AMPH: variants seen among roughly 807,000 people sequenced by gnomAD.
AMPH encodes the protein amphiphysin, also known as amphiphysin (Stiff-Mann syndrome with breast cancer 128kD autoantigen).
A neutral mutation model predicts 99.1 loss-of-function variants in AMPH; 49 were observed. The ratio of observed to expected loss-of-function variants is 0.49; its 90% confidence interval spans 0.39 to 0.63. AMPH has a LOEUF of 0.63. Among genes scored for constraint, AMPH ranks in the 20% least tolerant of loss-of-function variants. AMPH has a pLI of 0.00. For missense variants in AMPH, 759 were observed against 863.4 expected, an observed-to-expected ratio of 0.88 and a Z score of 1.52; for synonymous variants, 314 against 317.3, an observed-to-expected ratio of 0.99 and a Z score of 0.11.
At chr7:38,494,119 G>C (rs936121507) in intron 4 of AMPH, among the ~76,000 whole-genome samples, 1 of 152,038 alleles carries the variant, frequency 6.6e-6, no homozygotes, top group Non-Finnish European at 1.5e-5. Flanking sequence ...ACCATGCCCG[G>C]CTAATTTTTT....
intron 2 of AMPH, among the ~76,000 whole-genome samples, chr7:38,510,215 C>T (rs1027586780): frequency 2.6e-5 from 4 of 152,160 alleles, no homozygotes; most frequent in African/African-American, 4.8e-5. Context: ...CACCTTCTTG[C>T]TGTGTCCTCG....
At chr7:38,593,621 C>T (rs1792938743) in intron 1 of AMPH, among the ~76,000 whole-genome samples, 1 of 152,192 alleles carries the variant, frequency 6.6e-6, no homozygotes, top group South Asian at 2.1e-4. Flanking sequence ...AAGAAGAATG[C>T]CACATTCGGT....
chr7:38,476,987 A>G lies in AMPH; in HGVS notation c.397-18T>C. On this transcript the variant is annotated intron_variant, in intron 5 of 20. Transcript: ENST00000356264. ...ATGCGATTCTGTCAACAGGAAATGCACTCACTAAGAAAGAAGCATGGACAT... is the reference window on the plus strand; with the variant it reads ...ATGCGATTCTGTCAACAGGAAATGCGCTCACTAAGAAAGAAGCATGGACAT... 6.2e-7 allele frequency: 1 copy of G among 1,608,556 alleles called. No homozygotes were observed. The highest frequency in any genetic ancestry group is 1.7e-5 in the Admixed American group (1 of 59,960).
chr7:38,495,870 T>C (rs902826936), intron 3 of AMPH, among the ~76,000 whole-genome samples: 1 of 152,166 alleles, frequency 6.6e-6, no homozygotes, highest in Non-Finnish European at 1.5e-5. Flanking sequence ...CCAGTCCTTT[T>C]AGTCTCTCCC....
In AMPH at chr7:38,443,331, T is replaced by C. The variant is rs151084251; in HGVS notation, c.1018-6943A>G. Among the ~76,000 whole-genome samples the C allele has an allele frequency of 3.7e-4, 56 of 152,204 alleles. No individual in the cohort carries two copies. The East Asian group carries it at 0.01, about 27-fold the overall frequency. ...ATACCAACACAAACTTAACCAGCAA[T>C]TGATTTTCAGTTCAATTCATTCAAT... On this transcript the variant is annotated intron_variant, in intron 11 of 20. Transcript: ENST00000356264.
chr7:38,487,304 T>C (rs548563696), intron 5 of AMPH, among the ~76,000 whole-genome samples: 1 of 152,142 alleles, frequency 6.6e-6, no homozygotes, highest in African/African-American at 2.4e-5. Context: ...AAAACAGCAT[T>C]GTACCGGTAC....
At position 38,571,496 on chromosome 7, in the gene AMPH, AATATATTCTATAAAAT is replaced by A. The variant is rs1277499857; in HGVS notation, c.70-36501_70-36486del. Among the ~76,000 whole-genome samples the A allele has an allele frequency of 2.1e-4, 29 of 134,986 alleles. 1 individual carries two copies. The Middle Eastern group carries it at 0.013, about 62-fold the overall frequency. The allele number at this position is 134,986 out of a possible 152,430, so 88.6% of individuals were successfully genotyped here. ...TTCTATAAAATATATATTCTATATAAATATATTCTATAAAATATATATTCTATAAAATATATATATT... is the reference window on the plus strand; with the variant it reads ...TTCTATAAAATATATATTCTATATAAATATATTCTATAAAATATATATATT... On this transcript the variant is annotated intron_variant, in intron 1 of 20. Coordinates refer to ENST00000356264, the MANE Select transcript of AMPH (RefSeq NM_001635.4).
At chr7:38,538,653 G>T (rs1790699675) in intron 1 of AMPH, among the ~76,000 whole-genome samples, 1 of 152,164 alleles carries the variant, frequency 6.6e-6, no homozygotes, top group South Asian at 2.1e-4. Context: ...CAGTTAAGAG[G>T]CTTTTTAATA....
intron 16 of AMPH, among the ~76,000 whole-genome samples, chr7:38,418,518 A>G (rs1055980788): frequency 2.0e-5 from 3 of 152,256 alleles, no homozygotes; most frequent in African/African-American, 7.2e-5. Context: ...AAATGCATTC[A>G]TTTGACCCAA....
chr7:38,515,703 T>C (rs1044867670), intron 2 of AMPH, among the ~76,000 whole-genome samples: 7 of 151,914 alleles, frequency 4.6e-5, no homozygotes, highest in Admixed American at 3.3e-4. Flanking sequence ...TGGGTAGAGG[T>C]TGGAAGAATG....
intron 5 of AMPH, among the ~76,000 whole-genome samples, chr7:38,489,409 G>C (rs55886441): frequency 6.6e-5 from 10 of 151,988 alleles, no homozygotes; most frequent in Middle Eastern, 3.4e-3. Flanking sequence ...AAAGTTGAGG[G>C]GGGGGGAAGC....
intron 17 of AMPH, among the ~76,000 whole-genome samples, chr7:38,412,053 A>C (rs1216619304): frequency 1.3e-5 from 2 of 152,160 alleles, no homozygotes; most frequent in Non-Finnish European, 2.9e-5. Context: ...AATCCATAGC[A>C]CATTGGCAGG....
intron 2 of AMPH, among the ~76,000 whole-genome samples, chr7:38,513,749 C>A (rs961362537): frequency 1.3e-5 from 2 of 152,106 alleles, no homozygotes; most frequent in Non-Finnish European, 2.9e-5. Context: ...TTCTCTGTTA[C>A]CTTAAAAAAA....
chr7:38,530,643 A>C (rs1790363153), intron 2 of AMPH, among the ~76,000 whole-genome samples: 7 of 152,212 alleles, frequency 4.6e-5, no homozygotes, highest in Admixed American at 4.6e-4. Flanking sequence ...GCAGCATCTT[A>C]CTGGGCGAGT....
chr7:38,505,352 G>A (rs1789283583), intron 2 of AMPH, among the ~76,000 whole-genome samples: 1 of 152,112 alleles, frequency 6.6e-6, no homozygotes, highest in Non-Finnish European at 1.5e-5. Flanking sequence ...GTTAAGCTCA[G>A]GTTATTTTTG....
intron 1 of AMPH, among the ~76,000 whole-genome samples, chr7:38,556,980 T>C (rs1470903415): frequency 6.6e-6 from 1 of 152,120 alleles, no homozygotes; most frequent in Non-Finnish European, 1.5e-5. Context: ...AGCATGAGCG[T>C]AGAACAATAC....
chr7:38,562,650 C>T (rs572587370), intron 1 of AMPH, among the ~76,000 whole-genome samples: 59 of 141,412 alleles, frequency 4.2e-4, no homozygotes, highest in Non-Finnish European at 6.1e-4. Flanking sequence ...GATATGAGCA[C>T]AAAAAGAGGG....
At chr7:38,588,423 A>G (rs2129057260) in intron 1 of AMPH, among the ~76,000 whole-genome samples, 1 of 152,316 alleles carries the variant, frequency 6.6e-6, no homozygotes, top group Non-Finnish European at 1.5e-5. Flanking sequence ...CCTAGATATA[A>G]GAAAGCTTCA....
At chr7:38,538,860 G>A (rs559694423) in intron 1 of AMPH, among the ~76,000 whole-genome samples, 12 of 152,274 alleles carry the variant, frequency 7.9e-5, no homozygotes, top group African/African-American at 2.9e-4. Flanking sequence ...TGGACATGCA[G>A]GGTTTGAGAC....
Sources: allele counts gnomAD v4.1 joint callset (sites outside exome capture counted in the v4.1 genomes callset), GRCh38; gene constraint gnomAD v4.1.1; transcripts MANE v1.5; gene names NCBI Gene and HGNC (gene_info 2026-07-23, HGNC 2026-07-21).